The following HIPK2 variants were observed in gnomAD, a reference collection of about 807,000 sequenced individuals.
The protein encoded by HIPK2 is homeodomain interacting protein kinase 2.
Under a neutral mutation model 113.7 loss-of-function variants are expected in HIPK2, and 27 were observed. That is an observed-to-expected ratio of 0.24 (90% CI 0.17 to 0.33). The LOEUF (loss-of-function observed/expected upper bound fraction) is 0.33, where lower values mean the gene tolerates loss of function less well. Among genes scored for constraint, HIPK2 ranks in the 10% least tolerant of loss-of-function variants. The pLI is 1.00. For missense variants in HIPK2, 1,257 were observed against 1,588.0 expected (o/e 0.79, Z 3.54); for synonymous variants, 631 against 642.2 (o/e 0.98, Z 0.26).
At chr7:139,624,393 T>C (rs1800353416) in intron 6 of HIPK2, among the ~76,000 whole-genome samples, 1 of 152,164 alleles carries the variant, frequency 6.6e-6, no homozygotes, top group Admixed American at 6.6e-5. Flanking sequence ...CTCCAAGCCA[T>C]TCCCTGCCTC....
At position 139,687,537 on chromosome 7, in the gene HIPK2, A is replaced by G. The variant is rs142187739; in HGVS notation, c.1103+28395T>C. Among the ~76,000 whole-genome samples the G allele has an allele frequency of 1.1e-4, 16 of 152,340 alleles. 1 individual carries two copies. The East Asian group carries it at 3.1e-3, about 29-fold the overall frequency. ...AACAGACTAACATAGTAAATACAGGATATTTAATGTTGCTTAAGAATTTTG... is the reference window on the plus strand; with the variant it reads ...AACAGACTAACATAGTAAATACAGGGTATTTAATGTTGCTTAAGAATTTTG... On this transcript the variant is annotated intron_variant, in intron 2 of 14. Coordinates refer to ENST00000406875, the MANE Select transcript of HIPK2 (RefSeq NM_022740.5).
intron 2 of HIPK2, among the ~76,000 whole-genome samples, chr7:139,641,860 G>A (rs896466105): frequency 2.0e-5 from 3 of 152,228 alleles, no homozygotes; most frequent in Admixed American, 6.5e-5. Context: ...AATCTGCAGC[G>A]CTAATCGGAG....
chr7:139,645,344 A>G (rs1317843021), intron 2 of HIPK2, among the ~76,000 whole-genome samples: 2 of 152,218 alleles, frequency 1.3e-5, no homozygotes, highest in African/African-American at 4.8e-5. Context: ...CCAGCCGGAG[A>G]CATACCAATT....
intron 13 of HIPK2, among the ~76,000 whole-genome samples, chr7:139,577,746 G>A (rs1311093054): frequency 6.6e-6 from 1 of 152,194 alleles, no homozygotes; most frequent in Non-Finnish European, 1.5e-5. Flanking sequence ...CCACCAAGAA[G>A]GGCAGGGCAG....
At chr7:139,670,752 TTTCTTTC>T (rs1443564795) in intron 2 of HIPK2, among the ~76,000 whole-genome samples, 27,511 of 66,498 alleles carry the variant, frequency 0.41, 5,852 homozygotes, top group Non-Finnish European at 0.47. Flanking sequence ...TCTTTCTTTC[TTTCTTTC>T]TTTTTTTTTT....
At chr7:139,626,450 G>C (rs929961463) in intron 6 of HIPK2, 151 bp downstream of exon 6, 14 of 749,844 alleles carry the variant, frequency 1.9e-5, no homozygotes, top group African/African-American at 3.5e-5. Flanking sequence ...TCACTCATCT[G>C]TTTATGTATT....
chr7:139,734,971 TAATGAG>T (rs1795897102), intron 1 of HIPK2, among the ~76,000 whole-genome samples: 1 of 152,210 alleles, frequency 6.6e-6, no homozygotes, highest in Non-Finnish European at 1.5e-5. Flanking sequence ...AAAATGTAAT[TAATGAG>T]AATATCTACC....
rs1795222237 is a variant in HIPK2 at position 139,715,994 on chromosome 7, A to G, written c.1041T>C (p.Phe347=). The change falls in exon 2 of 15, where the codon TTT becomes TTC. Residue 347 remains phenylalanine, a synonymous_variant. Coordinates refer to ENST00000406875, the MANE Select transcript of HIPK2 (RefSeq NM_022740.5). ...CCTTGGAGACGTGGCTGGCTGAACCAAAGTCGATGACCTTGACTCTGTATG... is the reference window on the plus strand; with the variant it reads ...CCTTGGAGACGTGGCTGGCTGAACCGAAGTCGATGACCTTGACTCTGTATG... The part of the protein sequence containing the change: ...RQPYRVKVID[F]GSASHVSKAV... 1 of 1,614,142 alleles carries G rather than the reference A, an allele frequency of 6.2e-7. No homozygotes were observed. The highest frequency in any genetic ancestry group is 1.1e-5 in the South Asian group (1 of 91,076).
At chr7:139,747,294 T>A (rs1796205288) in intron 1 of HIPK2, among the ~76,000 whole-genome samples, 2 of 152,150 alleles carry the variant, frequency 1.3e-5, no homozygotes, top group African/African-American at 4.8e-5. Flanking sequence ...CTGCAATCAA[T>A]AAGTCTAGTA....
In HIPK2 at chr7:139,646,499, T is replaced by TA. The variant is rs57503855; in HGVS notation, c.1104-14775dup. 2.5e-3 allele frequency among the ~76,000 whole-genome samples: 299 copies of TA among 119,900 alleles called. 1 individual carries two copies. Among genetic ancestry groups the TA allele is most frequent in the Middle Eastern group, 4.1e-3 (1 of 242 alleles). 78.7% of individuals were successfully genotyped at this position (119,900 alleles called of 152,430 possible). A position where few individuals can be genotyped will look rare whatever the true frequency, so the allele number is the denominator to read the frequency against. On this transcript the variant is annotated intron_variant, in intron 2 of 14. Coordinates refer to ENST00000406875, the MANE Select transcript of HIPK2 (RefSeq NM_022740.5). The stretch of plus-strand genomic sequence containing the variant: ...TGGGTGACAGAGTAAGACCTTGTCT[T>TA]AAAAAAAAAAAAAAAAAAAAGGAAA...
chr7:139,705,776 C>T (rs1794874480), intron 2 of HIPK2, among the ~76,000 whole-genome samples: 1 of 150,784 alleles, frequency 6.6e-6, no homozygotes. Flanking sequence ...GCTCTGTCTG[C>T]CAGATGATAG....
chr7:139,655,756 G>C (rs1801644773), intron 2 of HIPK2, among the ~76,000 whole-genome samples: 1 of 152,112 alleles, frequency 6.6e-6, no homozygotes, highest in Non-Finnish European at 1.5e-5. Context: ...ATTGATTGTG[G>C]TTATGATTTT....
intron 2 of HIPK2, among the ~76,000 whole-genome samples, chr7:139,670,017 T>C (rs1358849177): frequency 2.0e-5 from 3 of 152,362 alleles, no homozygotes; most frequent in African/African-American, 4.8e-5. Context: ...CTGTTAAATT[T>C]ATTTTTCACA....
At chr7:139,701,482 A>G (rs1343360801) in intron 2 of HIPK2, among the ~76,000 whole-genome samples, 4 of 152,160 alleles carry the variant, frequency 2.6e-5, no homozygotes, top group Admixed American at 2.0e-4. Context: ...GCTGTGGCAA[A>G]GTCATGTCGG....
In HIPK2 at chr7:139,565,089, C is replaced by A. The variant is rs530158568; in HGVS notation, c.*7838G>T. ...ATTCATAGTCTTTAAATTCCAAGAT[C>A]AAGCTGGCTACATGATTTCAAAAAA... On this transcript the variant is annotated 3_prime_UTR_variant, in exon 15 of 15. Transcript: ENST00000406875. 1.3e-5 allele frequency: 2 copies of A among 152,080 alleles called. No individual in the cohort carries two copies. Among genetic ancestry groups the A allele is most frequent in the South Asian group, 4.2e-4 (2 of 4,818 alleles). The allele number at this position is 152,080 out of a possible 1,614,324, so 9.4% of individuals were successfully genotyped here.
chr7:139,631,581 A>G lies in HIPK2; in HGVS notation c.1227+21T>C. 1 of 1,607,288 alleles carries G rather than the reference A, an allele frequency of 6.2e-7. No individual in the cohort carries two copies. The highest frequency in any genetic ancestry group is 8.5e-7 in the Non-Finnish European group (1 of 1,177,638). On this transcript the variant is annotated intron_variant, in intron 3 of 14. Transcript: ENST00000406875. The surrounding 1 kb of genome is among the most constrained non-coding windows in gnomAD (Gnocchi z 4.9). ...AGATGAAGAATGAGGTCTTGTGAAT[A>G]TCTGTGTCATCTGGACCCACCTGAT...
chr7:139,635,357 TTAGTTACGTGG>T (rs1253586273), intron 2 of HIPK2, among the ~76,000 whole-genome samples: 18 of 152,186 alleles, frequency 1.2e-4, no homozygotes, highest in African/African-American at 4.3e-4. Flanking sequence ...TCCTATCAGG[TTAGTTACGTGG>T]TTCTCATGGC....
chr7:139,620,501 A>G lies in HIPK2; in HGVS notation c.1682T>C (p.Val561Ala). Residue 561 changes from valine (V) to alanine (A), a missense_variant, in exon 7 of 15, where the codon GTG (valine) becomes GCG (alanine). Physicochemically the swap from Val to Ala is moderately conservative, Grantham distance 64. Transcript: ENST00000406875. ...CKRRVNMYDTVNQSKTPFITH... is the reference protein window; with the variant it reads ...CKRRVNMYDTANQSKTPFITH... ...GATGAAAGGGGTTTTGCTCTGGTTCACCGTGTCATACATATTCACCCGACG... is the reference window on the plus strand; with the variant it reads ...GATGAAAGGGGTTTTGCTCTGGTTCGCCGTGTCATACATATTCACCCGACG... 1 of 1,614,078 alleles carries G rather than the reference A, an allele frequency of 6.2e-7. No homozygotes were observed.
At chr7:139,612,019 T>G (rs73156851) in intron 9 of HIPK2, among the ~76,000 whole-genome samples, 2,524 of 152,084 alleles carry the variant, frequency 0.017, 25 homozygotes, top group Middle Eastern at 0.037. Flanking sequence ...TAAAATTCAC[T>G]TAAAAACATG....
Sources: allele counts gnomAD v4.1 joint callset (sites outside exome capture counted in the v4.1 genomes callset), GRCh38; gene constraint gnomAD v4.1.1; non-coding constraint Gnocchi (gnomAD v3.1); transcripts MANE v1.5; gene names NCBI Gene and HGNC (gene_info 2026-07-23, HGNC 2026-07-21).